CCDC150: variants seen among roughly 807,000 people sequenced by gnomAD.
CCDC150 encodes coiled-coil domain containing 150.
CCDC150 carries 151 observed loss-of-function variants against 156.5 expected under a neutral mutation model. The ratio of observed to expected loss-of-function variants is 0.97; its 90% CI spans 0.85 to 1.10. The LOEUF (loss-of-function observed/expected upper bound fraction) is 1.10. CCDC150 is among the 50% of genes least tolerant of loss of function. CCDC150 has a pLI of 0.00. For missense variants in CCDC150, 1,312 were observed against 1,268.1 expected, an observed-to-expected ratio of 1.03 and a Z score of -0.53; for synonymous variants, 452 against 429.4, an observed-to-expected ratio of 1.05 and a Z score of -0.65.
chr2:196,720,174 G>A, intron 19 of CCDC150: 2 of 387,562 alleles, frequency 5.2e-6, no homozygotes, highest in Non-Finnish European at 1.0e-5. Context: ...TTCCTTTTAG[G>A]TTAAAGAATA....
Position 196,671,481 on chromosome 2 carries a change from G to A in CCDC150, c.937-864G>A, listed in dbSNP as rs1235887502. 2.2e-5 allele frequency among the ~76,000 whole-genome samples: 3 copies of A among 137,420 alleles called. No homozygotes were observed. In the Admixed American group the frequency reaches 2.5e-4, roughly 11 times the overall value. 90.2% of individuals were successfully genotyped at this position (137,420 alleles called of 152,430 possible). ...GTCTCACTCTGTCACTCAGGCTGGAGTGCATTGGCACTATCAGCTCACTGC... is the reference window on the plus strand; with the variant it reads ...GTCTCACTCTGTCACTCAGGCTGGAATGCATTGGCACTATCAGCTCACTGC... On this transcript the variant is annotated intron_variant, in intron 8 of 27. Transcript: ENST00000389175.
chr2:196,732,112 G>A lies in CCDC150; in HGVS notation c.3149G>A (p.Arg1050Gln), dbSNP rs371019392. 1.2e-5 allele frequency: 19 copies of A among 1,613,668 alleles called. No homozygotes were observed. Among genetic ancestry groups the A allele is most frequent in the South Asian group, 1.1e-5 (1 of 91,082 alleles). ...DGLQLELTKNRLQRPSGEDRW... is the reference protein window; with the variant it reads ...DGLQLELTKNQLQRPSGEDRW... Reference sequence around the variant, plus strand: ...CTACAACTTGAGCTGACAAAAAACCGGTTGCAGAGGCCTTCTGGGGAAGAC... The same window carrying A: ...CTACAACTTGAGCTGACAAAAAACCAGTTGCAGAGGCCTTCTGGGGAAGAC... Residue 1050 changes from arginine (R) to glutamine (Q), a missense_variant, in exon 27 of 28, where the codon CGG (arginine) becomes CAG (glutamine). By Grantham distance (43) the Arg-to-Gln change is conservative. Transcript: ENST00000389175.
chr2:196,686,808 T>C lies in CCDC150; in HGVS notation c.1510-8238T>C, dbSNP rs565200324. Among the ~76,000 whole-genome samples the C allele has an allele frequency of 1.1e-3, 162 of 152,294 alleles. 1 individual carries two copies. The highest frequency in any genetic ancestry group is 1.6e-3 in the Non-Finnish European group (112 of 68,004). On this transcript the variant is annotated intron_variant, in intron 13 of 27. Coordinates refer to ENST00000389175, the MANE Select transcript of CCDC150 (RefSeq NM_001080539.2). ...ACACCCAGTACTTGTTGTTCTCCTC[T>C]GTGTATCCATATATTCTCATCATTT...
Position 196,674,354 on chromosome 2 carries a change from C to A in CCDC150, c.1137+6C>A. The A allele has an allele frequency of 1.3e-6, 2 of 1,576,618 alleles. No homozygotes were observed. The highest frequency in any genetic ancestry group is 2.3e-5 in the East Asian group (1 of 43,960). On this transcript the variant is annotated splice_donor_region_variant and intron_variant, in intron 10 of 27. Coordinates refer to ENST00000389175, the MANE Select transcript of CCDC150 (RefSeq NM_001080539.2). ...ACCATCAGGCCATTCTGCAGGTATTCGTTTAACATGAAAGCCAACCAGAAA... is the reference window on the plus strand; with the variant it reads ...ACCATCAGGCCATTCTGCAGGTATTAGTTTAACATGAAAGCCAACCAGAAA...
intron 23 of CCDC150, 194 bp downstream of exon 23, chr2:196,729,581 G>T: frequency 3.0e-6 from 2 of 666,482 alleles, no homozygotes; most frequent in Non-Finnish European, 5.2e-6. Context: ...TTTGCTGCCA[G>T]TGTCACATTC....
chr2:196,702,376 TGA>T (rs1553562664), intron 15 of CCDC150, among the ~76,000 whole-genome samples: 3 of 149,540 alleles, frequency 2.0e-5, no homozygotes, highest in African/African-American at 4.9e-5. Context: ...TGTGTGTGTG[TGA>T]GATGAGGTCT....
chr2:196,682,830 A>G (rs1334294305), intron 13 of CCDC150, among the ~76,000 whole-genome samples: 1 of 152,070 alleles, frequency 6.6e-6, no homozygotes, highest in African/African-American at 2.4e-5. Flanking sequence ...CACTATAACT[A>G]TCTCTATAAA....
At chr2:196,728,558 G>T (rs1559282450) in intron 22 of CCDC150, among the ~76,000 whole-genome samples, 1 of 151,030 alleles carries the variant, frequency 6.6e-6, no homozygotes, top group Non-Finnish European at 1.5e-5. Flanking sequence ...CTACTATGCA[G>T]TTTTTTTTTC....
intron 17 of CCDC150, chr2:196,713,626 TC>T: frequency 6.7e-7 from 1 of 1,499,232 alleles, no homozygotes; most frequent in African/African-American, 1.4e-5. Context: ...AAATAGAGAT[TC>T]TAGCCTCAAG....
intron 14 of CCDC150, among the ~76,000 whole-genome samples, chr2:196,698,249 T>TTG (rs1379465302): frequency 6.6e-6 from 1 of 152,188 alleles, no homozygotes; most frequent in East Asian, 1.9e-4. Flanking sequence ...AACAATTATT[T>TTG]TGTGTGTGTG....
intron 1 of CCDC150, among the ~76,000 whole-genome samples, chr2:196,640,238 C>T (rs938490781): frequency 7.2e-5 from 11 of 152,172 alleles, no homozygotes; most frequent in African/African-American, 2.7e-4. Flanking sequence ...TCGTTAAATT[C>T]CTGTCGAAGT....
intron 9 of CCDC150, 123 bp downstream of exon 9, chr2:196,672,560 T>C (rs576479868): frequency 2.0e-6 from 1 of 495,288 alleles, no homozygotes; most frequent in African/African-American, 2.0e-5. Context: ...AACTTTTCAT[T>C]TCCATAAGAT....
At chr2:196,721,379 AG>A (rs1313213074) in intron 20 of CCDC150, 142 bp from the exon 21 acceptor site, 1 of 202,678 alleles carries the variant, frequency 4.9e-6, no homozygotes, top group African/African-American at 8.2e-5. Context: ...TTTTCCAGGC[AG>A]CTGGAATCTT....
chr2:196,705,782 T>G (rs1696583219), intron 15 of CCDC150, among the ~76,000 whole-genome samples: 4 of 152,368 alleles, frequency 2.6e-5, no homozygotes, highest in Admixed American at 2.6e-4. Context: ...CTAGCCAGTT[T>G]TCCCAGCACC....
chr2:196,666,325 C>A (rs1693836198), intron 6 of CCDC150, among the ~76,000 whole-genome samples: 1 of 152,078 alleles, frequency 6.6e-6, no homozygotes, highest in Non-Finnish European at 1.5e-5. Context: ...AAAAAGTTTC[C>A]CTTCATAACT....
chr2:196,728,570 C>T (rs530522437), intron 22 of CCDC150, among the ~76,000 whole-genome samples: 11 of 151,664 alleles, frequency 7.3e-5, no homozygotes, highest in East Asian at 1.9e-4. Flanking sequence ...TTTTTTTTCA[C>T]GAGAGAAGTT....
At chr2:196,706,563 G>A (rs956976770) in intron 15 of CCDC150, among the ~76,000 whole-genome samples, 2 of 152,196 alleles carry the variant, frequency 1.3e-5, no homozygotes, top group African/African-American at 4.8e-5. Flanking sequence ...AATAGGAGTG[G>A]TGAGAGAGGG....
chr2:196,719,346 AAAAAT>A, intron 18 of CCDC150, 146 bp from the exon 19 acceptor site: 1 of 576,004 alleles, frequency 1.7e-6, no homozygotes, highest in Non-Finnish European at 2.7e-6. Context: ...GAAACCACCT[AAAAAT>A]AAAATATACT....
At chr2:196,653,775 T>TCTTTGTTACCAACATTCTGTATC (rs1693019368) in intron 2 of CCDC150, among the ~76,000 whole-genome samples, 1 of 152,338 alleles carries the variant, frequency 6.6e-6, no homozygotes, top group East Asian at 1.9e-4. Flanking sequence ...AATGCCTCAC[T>TCTTTGTTACCAACATTCTGTATC]CTTTGTTACC....
Sources: gnomAD v4.1 joint callset for allele counts (sites outside exome capture counted in the v4.1 genomes callset) on GRCh38, gnomAD v4.1.1 for gene constraint, MANE v1.5 for transcripts, NCBI Gene and HGNC (gene_info 2026-07-23, HGNC 2026-07-21) for gene names.